SLC35A3: variants seen among roughly 807,000 people sequenced by gnomAD.
SLC35A3 encodes the protein solute carrier family 35 member A3, also known as UDP-N-acetylglucosamine transporter.
SLC35A3 carries 26 observed loss-of-function variants against 39.0 expected under a neutral mutation model. The ratio of observed to expected loss-of-function variants is 0.67; its 90% CI spans 0.49 to 0.92. SLC35A3 has a LOEUF of 0.92. SLC35A3 is among the 40% of genes least tolerant of loss of function. The pLI, the probability that SLC35A3 is intolerant of heterozygous loss-of-function variation, is 0.00. For synonymous variants in SLC35A3, 135 were observed against 133.1 expected, an observed-to-expected ratio of 1.01 and a Z score of -0.10; for missense variants, 299 against 371.6, an observed-to-expected ratio of 0.80 and a Z score of 1.61.
In SLC35A3 at chr1:100,025,439, T is replaced by C. The variant is rs1056829125; in HGVS notation, c.*2963T>C. 5 of 152,202 alleles carry C rather than the reference T, an allele frequency of 3.3e-5. No homozygotes were observed. Among genetic ancestry groups the C allele is most frequent in the Non-Finnish European group, 7.4e-5 (5 of 68,022 alleles). The allele number at this position is 152,202 out of a possible 1,614,324, so 9.4% of individuals were successfully genotyped here. On this transcript the variant is annotated 3_prime_UTR_variant, in exon 8 of 8. Transcript: ENST00000533028. ...AGGTGTCGAAACACAATTTTCAAAA[T>C]TCCTAATGAAAGTTATAAAAATGTA...
chr1:100,003,416 CAAA>C (rs34020224), intron 3 of SLC35A3, among the ~76,000 whole-genome samples: 9 of 57,196 alleles, frequency 1.6e-4, no homozygotes, highest in African/African-American at 2.7e-4. Context: ...AACTCCATCT[CAAA>C]AAAAAAAAAA....
At chr1:100,020,741 T>C (rs1342683285) in intron 7 of SLC35A3, among the ~76,000 whole-genome samples, 1 of 152,164 alleles carries the variant, frequency 6.6e-6, no homozygotes, top group Non-Finnish European at 1.5e-5. Flanking sequence ...CTGGGGTAGT[T>C]CTGCCTAGGG....
At chr1:100,015,157 C>CAAAA (rs760381564) in intron 5 of SLC35A3, 145 bp from the exon 6 acceptor site, 329 of 453,650 alleles carry the variant, frequency 7.3e-4, no homozygotes, top group Middle Eastern at 2.2e-3. Context: ...GACTCCGTCT[C>CAAAA]AAAAAAAAAA....
chr1:100,024,621 T>TG lies in SLC35A3; in HGVS notation c.*2145_*2146insG. The stretch of plus-strand genomic sequence containing the variant: ...GTATGAATGAAAAAAATAAAATACT[T>TG]CTTTTTTTTTTTTTTTGAGACAGAG... On this transcript the variant is annotated 3_prime_UTR_variant, in exon 8 of 8. Transcript: ENST00000533028. 6.2e-6 allele frequency: 2 copies of TG among 323,210 alleles called. No homozygotes were observed. The highest frequency in any genetic ancestry group is 5.6e-6 in the Non-Finnish European group (1 of 180,128). 20.0% of individuals were successfully genotyped at this position (323,210 alleles called of 1,614,324 possible). A position where few individuals can be genotyped will look rare whatever the true frequency, so the allele number is the denominator to read the frequency against.
intron 7 of SLC35A3, 95 bp from the exon 8 acceptor site, chr1:100,022,291 C>T (rs1660602328): frequency 4.8e-6 from 3 of 623,560 alleles, no homozygotes; most frequent in African/African-American, 3.8e-5. Flanking sequence ...CATTTTTCCC[C>T]ACATTATAAT....
chr1:100,015,216 G>A, intron 5 of SLC35A3, 86 bp from the exon 6 acceptor site: 1 of 1,150,212 alleles, frequency 8.7e-7, no homozygotes, highest in Non-Finnish European at 1.2e-6. Flanking sequence ...AAAGTTAAGT[G>A]TAAAATTATT....
In SLC35A3 at chr1:100,032,520, C is replaced by T. The variant is rs1661297601; in HGVS notation, c.*10044C>T. On this transcript the variant is annotated 3_prime_UTR_variant, in exon 8 of 8. Coordinates refer to ENST00000533028, the MANE Select transcript of SLC35A3 (RefSeq NM_012243.3). ...TGATGCTCATATATATTGTGAGCCT[C>T]TAGCCCATGTAAGTCACAGCAAGCT... The T allele has an allele frequency of 6.6e-6, 1 of 152,164 alleles. No individual in the cohort carries two copies. The highest frequency in any genetic ancestry group is 2.4e-5 in the African/African-American group (1 of 41,440). The allele number at this position is 152,164 out of a possible 1,614,324, so 9.4% of individuals were successfully genotyped here.
At chr1:99,995,160 C>CTTTCT (rs1557831359) in intron 2 of SLC35A3, among the ~76,000 whole-genome samples, 1 of 73,064 alleles carries the variant, frequency 1.4e-5, no homozygotes, top group South Asian at 4.1e-4. Flanking sequence ...TTCTTTCTTT[C>CTTTCT]TTTTTTTTTC....
At chr1:99,997,280 T>C (rs1658453128) in intron 2 of SLC35A3, among the ~76,000 whole-genome samples, 1 of 151,540 alleles carries the variant, frequency 6.6e-6, no homozygotes, top group Admixed American at 6.6e-5. Context: ...CTTTTTTTGC[T>C]GCCTGAAACA....
chr1:100,016,325 A>G (rs1373238043), intron 6 of SLC35A3, among the ~76,000 whole-genome samples: 4 of 150,870 alleles, frequency 2.7e-5, no homozygotes, highest in African/African-American at 9.8e-5. Context: ...TGACCTCCCA[A>G]AGTGCTGGGA....
intron 7 of SLC35A3, among the ~76,000 whole-genome samples, chr1:100,018,292 GA>G (rs1660300573): frequency 1.3e-5 from 2 of 152,160 alleles, no homozygotes; most frequent in Admixed American, 6.5e-5. Context: ...TAGTTTTATG[GA>G]TGCTAAGGGA....
intron 2 of SLC35A3, among the ~76,000 whole-genome samples, chr1:99,995,121 T>TTTCTTTCTTTCTTTCA: frequency 8.6e-6 from 1 of 116,148 alleles, no homozygotes; most frequent in Non-Finnish European, 1.9e-5. Context: ...TCTTTCTTTC[T>TTTCTTTCTTTCTTTCA]TTCTTTCTTT....
chr1:100,018,299 A>T (rs546352701), intron 7 of SLC35A3, among the ~76,000 whole-genome samples: 158 of 152,304 alleles, frequency 1.0e-3, no homozygotes, highest in African/African-American at 3.6e-3. Flanking sequence ...ATGGATGCTA[A>T]GGGAGGAGAT....
At chr1:99,982,442 G>A (rs1450240405) in intron 1 of SLC35A3, among the ~76,000 whole-genome samples, 2 of 152,110 alleles carry the variant, frequency 1.3e-5, no homozygotes, top group Non-Finnish European at 2.9e-5. Flanking sequence ...GATGGTGGTA[G>A]TAAGTGTGCA....
intron 1 of SLC35A3, among the ~76,000 whole-genome samples, chr1:99,973,023 T>C (rs147756129): frequency 1.3e-5 from 2 of 152,328 alleles, no homozygotes; most frequent in African/African-American, 4.8e-5. Flanking sequence ...TTTTACTTAG[T>C]AGAAATTCAA....
chr1:100,017,042 G>C (rs1430432745), intron 6 of SLC35A3, among the ~76,000 whole-genome samples: 1 of 152,172 alleles, frequency 6.6e-6, no homozygotes, highest in Non-Finnish European at 1.5e-5. Context: ...TGTTGCAGTA[G>C]GTAACCCAGA....
At chr1:99,992,549 G>T (rs183515511) in intron 1 of SLC35A3, among the ~76,000 whole-genome samples, 13 of 152,154 alleles carry the variant, frequency 8.5e-5, no homozygotes, top group Admixed American at 4.6e-4. Flanking sequence ...TGGGTGAAGG[G>T]TACATATGAA....
Position 100,027,538 on chromosome 1 carries a change from C to A in SLC35A3, c.*5062C>A, listed in dbSNP as rs1194482294. The A allele has an allele frequency of 5.1e-6, 1 of 196,820 alleles. No homozygotes were observed. Among genetic ancestry groups the A allele is most frequent in the East Asian group, 1.1e-4 (1 of 9,030 alleles). 12.2% of individuals were successfully genotyped at this position (196,820 alleles called of 1,614,324 possible). A position where few individuals can be genotyped will look rare whatever the true frequency, so the allele number is the denominator to read the frequency against. The stretch of plus-strand genomic sequence containing the variant: ...AATTTATCTTTCTATATGTTAATAA[C>A]AGCCTAACAGATTTTTTGTTTTAAA... On this transcript the variant is annotated 3_prime_UTR_variant, in exon 8 of 8. Coordinates refer to ENST00000533028, the MANE Select transcript of SLC35A3 (RefSeq NM_012243.3).
chr1:100,019,973 C>G (rs1360731413), intron 7 of SLC35A3, among the ~76,000 whole-genome samples: 2 of 152,138 alleles, frequency 1.3e-5, no homozygotes, highest in Non-Finnish European at 2.9e-5. Context: ...TACTATGTGC[C>G]TGCTGGCCAC....
Sources: allele counts gnomAD v4.1 joint callset (sites outside exome capture counted in the v4.1 genomes callset), GRCh38; gene constraint gnomAD v4.1.1; transcripts MANE v1.5; gene names NCBI Gene and HGNC (gene_info 2026-07-23, HGNC 2026-07-21).